TJP1: variants seen among roughly 807,000 people sequenced by gnomAD.
The protein encoded by TJP1 is tight junction protein ZO-1.
In TJP1, 43 loss-of-function variants were observed where a neutral mutation model predicts 194.2. The observed-to-expected ratio is 0.22, with a 90% confidence interval of 0.17 to 0.29. TJP1 has a LOEUF of 0.29. Ranked by LOEUF, TJP1 falls within the 10% of genes least tolerant of loss-of-function variation. The pLI is 1.00. For missense variants in TJP1, 1,971 were observed against 2,185.7 expected, an observed-to-expected ratio of 0.90 and a Z score of 1.96; for synonymous variants, 801 against 779.0, an observed-to-expected ratio of 1.03 and a Z score of -0.47.
At chr15:29,748,922 A>ATGTGTG (rs112772922) in intron 8 of TJP1, among the ~76,000 whole-genome samples, 7,107 of 104,378 alleles carry the variant, frequency 0.068, 182 homozygotes, top group South Asian at 0.11. Flanking sequence ...AAGCTTAAAA[A>ATGTGTG]TGTGTGTGTG....
chr15:29,793,981 G>C (rs185786862), intron 2 of TJP1, among the ~76,000 whole-genome samples: 31 of 152,256 alleles, frequency 2.0e-4, no homozygotes, highest in African/African-American at 7.0e-4. Context: ...TTGGTACCAG[G>C]GAAATACTGG....
Position 29,700,206 on chromosome 15 carries a change from G to T in TJP1, c.*1389C>A. On this transcript the variant is annotated 3_prime_UTR_variant, in exon 28 of 28. Coordinates refer to ENST00000614355, the MANE Select transcript of TJP1 (RefSeq NM_001330239.4). The stretch of plus-strand genomic sequence containing the variant: ...TTAGAAATTTGAGATTTTTAATAAC[G>T]GCAAAAGAAATTCAGTCACACCTAA... 2.5e-6 allele frequency: 1 copy of T among 398,684 alleles called. No homozygotes were observed. The highest frequency in any genetic ancestry group is 1.3e-4 in the South Asian group (1 of 7,754). The allele number at this position is 398,684 out of a possible 1,614,324, so 24.7% of individuals were successfully genotyped here.
chr15:29,958,194 CTGA>C (rs1040163996), intron 1 of TJP1, among the ~76,000 whole-genome samples: 17 of 151,996 alleles, frequency 1.1e-4, no homozygotes, highest in African/African-American at 3.6e-4. Context: ...GCCATTTTGT[CTGA>C]TGATAATTTT....
chr15:29,764,152 T>C (rs560038369), intron 5 of TJP1, among the ~76,000 whole-genome samples: 13 of 152,142 alleles, frequency 8.5e-5, no homozygotes, highest in African/African-American at 2.9e-4. Context: ...GATGTTAGCA[T>C]GGTAATCCCA....
intron 2 of TJP1, among the ~76,000 whole-genome samples, chr15:29,933,548 TGA>T (rs1398439365): frequency 6.6e-6 from 1 of 152,122 alleles, no homozygotes; most frequent in Non-Finnish European, 1.5e-5. Flanking sequence ...ATTTAACAAT[TGA>T]GAGAGACGGC....
intron 2 of TJP1, among the ~76,000 whole-genome samples, chr15:29,929,757 C>T (rs941914888): frequency 2.6e-5 from 4 of 151,208 alleles, no homozygotes; most frequent in African/African-American, 4.9e-5. Flanking sequence ...AGAAAAAGAA[C>T]AAGAGTATAA....
intron 2 of TJP1, among the ~76,000 whole-genome samples, chr15:29,924,238 C>T (rs546016370): frequency 6.6e-6 from 1 of 152,254 alleles, no homozygotes; most frequent in African/African-American, 2.4e-5. Context: ...CCACACCTAG[C>T]TAATTTTTGT....
chr15:29,877,751 C>T (rs774642436), intron 2 of TJP1, among the ~76,000 whole-genome samples: 2 of 151,856 alleles, frequency 1.3e-5, no homozygotes, highest in Non-Finnish European at 2.9e-5. Flanking sequence ...CTCCGCCTCC[C>T]AGGGTCAAGC....
chr15:29,890,271 T>C (rs2053260163), intron 2 of TJP1, among the ~76,000 whole-genome samples: 3 of 152,168 alleles, frequency 2.0e-5, no homozygotes, highest in Admixed American at 2.0e-4. Context: ...TTATACATAA[T>C]TTGAAGCGAA....
chr15:29,789,564 T>A (rs527817112), intron 2 of TJP1, among the ~76,000 whole-genome samples: 21 of 152,274 alleles, frequency 1.4e-4, no homozygotes, highest in African/African-American at 4.8e-4. Flanking sequence ...TCTAGAAATA[T>A]AAGATGAAGA....
chr15:29,705,072 C>T lies in TJP1; in HGVS notation c.5068+456G>A, dbSNP rs544750491. On this transcript the variant is annotated intron_variant, in intron 26 of 27. Coordinates refer to ENST00000614355, the MANE Select transcript of TJP1 (RefSeq NM_001330239.4). ...TCATCTCCTCTGAGACTCCTTCATGCACTCTGCTGAGCATGTACTAGTGCT... is the reference window on the plus strand; with the variant it reads ...TCATCTCCTCTGAGACTCCTTCATGTACTCTGCTGAGCATGTACTAGTGCT... Among the ~76,000 whole-genome samples the T allele has an allele frequency of 1.8e-4, 27 of 152,360 alleles. No individual in the cohort carries two copies. In the East Asian group the frequency reaches 4.8e-3, roughly 27 times the overall value.
chr15:29,843,994 C>G (rs925994496), intron 2 of TJP1, among the ~76,000 whole-genome samples: 3 of 152,136 alleles, frequency 2.0e-5, no homozygotes, highest in Non-Finnish European at 4.4e-5. Context: ...GGGAGGAGAG[C>G]AAAGAAGCAG....
intron 2 of TJP1, among the ~76,000 whole-genome samples, chr15:29,878,769 G>A (rs1165958056): frequency 2.0e-5 from 3 of 152,250 alleles, no homozygotes; most frequent in South Asian, 2.1e-4. Context: ...CAGGGAAGCC[G>A]ATGTGGGAGG....
intron 1 of TJP1, among the ~76,000 whole-genome samples, chr15:29,819,196 T>C (rs1351691877): frequency 6.6e-6 from 1 of 152,226 alleles, no homozygotes; most frequent in South Asian, 2.1e-4. Context: ...AGATTTCCTT[T>C]GATTTTTTTT....
At chr15:29,795,920 C>T (rs956253966) in intron 2 of TJP1, among the ~76,000 whole-genome samples, 5 of 151,600 alleles carry the variant, frequency 3.3e-5, no homozygotes, top group African/African-American at 1.2e-4. Context: ...CATACACACA[C>T]AAAAAAAAGC....
Position 29,822,424 on chromosome 15 carries a change from C to G in TJP1, c.-396G>C, listed in dbSNP as rs977675861. 206 of 990,236 alleles carry G rather than the reference C, an allele frequency of 2.1e-4. No homozygotes were observed. Among genetic ancestry groups the G allele is most frequent in the Non-Finnish European group, 2.3e-4 (195 of 833,272 alleles). The allele number at this position is 990,236 out of a possible 1,614,324, so 61.3% of individuals were successfully genotyped here. A position where few individuals can be genotyped will look rare whatever the true frequency, so the allele number is the denominator to read the frequency against. ...CCGGGAACCGGCGGCCGCCAAGGAA[C>G]GCGGCGTCCGCTGGCTCAGCCGGCG... On this transcript the variant is annotated 5_prime_UTR_variant, in exon 1 of 28. Transcript: ENST00000614355.
chr15:29,857,771 C>A (rs1400589267), intron 2 of TJP1, among the ~76,000 whole-genome samples: 1 of 151,858 alleles, frequency 6.6e-6, no homozygotes, highest in African/African-American at 2.4e-5. Context: ...AAAATGACTC[C>A]ATTTTTTGAG....
chr15:29,872,430 C>T (rs774574393), intron 2 of TJP1, among the ~76,000 whole-genome samples: 7 of 152,146 alleles, frequency 4.6e-5, no homozygotes, highest in Non-Finnish European at 7.4e-5. Flanking sequence ...ATAACAAAAA[C>T]ATATTTCAGA....
chr15:29,806,840 G>C (rs578166966), intron 1 of TJP1, among the ~76,000 whole-genome samples: 8 of 152,116 alleles, frequency 5.3e-5, no homozygotes, highest in Non-Finnish European at 8.8e-5. Flanking sequence ...TATTTGGACT[G>C]ATCTGATGGG....
Sources: allele counts gnomAD v4.1 joint callset (sites outside exome capture counted in the v4.1 genomes callset), GRCh38; gene constraint gnomAD v4.1.1; transcripts MANE v1.5; gene names NCBI Gene and HGNC (gene_info 2026-07-23, HGNC 2026-07-21).